Variants in PTPRN2 observed in about 807,000 individuals in gnomAD.
The protein encoded by PTPRN2 is receptor-type tyrosine-protein phosphatase N2.
In PTPRN2, 74 loss-of-function variants were observed where a neutral mutation model predicts 118.8. The observed-to-expected ratio is 0.62, with a 90% CI of 0.52 to 0.76. The LOEUF (loss-of-function observed/expected upper bound fraction) is 0.76, where lower values mean the gene tolerates loss of function less well. Among genes scored for constraint, PTPRN2 ranks in the 30% least tolerant of loss-of-function variants. PTPRN2 has a pLI of 0.00. For missense variants in PTPRN2, 1,481 were observed against 1,394.4 expected (o/e 1.06, Z -0.99); for synonymous variants, 641 against 608.0 (o/e 1.05, Z -0.80).
At chr7:158,268,613 CAG>C (rs914853007) in intron 3 of PTPRN2, among the ~76,000 whole-genome samples, 6 of 140,252 alleles carry the variant, frequency 4.3e-5, no homozygotes, top group African/African-American at 1.6e-4. Flanking sequence ...CGCAGGCACA[CAG>C]GGCGGGTGTG....
rs540820457 is a variant in PTPRN2 at position 157,780,500 on chromosome 7, C to T, written c.1789-97563G>A. 6.6e-6 allele frequency among the ~76,000 whole-genome samples: 1 copy of T among 152,342 alleles called. No individual in the cohort carries two copies. Among genetic ancestry groups the T allele is most frequent in the East Asian group, 1.9e-4 (1 of 5,182 alleles). On this transcript the variant is annotated intron_variant, in intron 12 of 22. Coordinates refer to ENST00000389418, the MANE Select transcript of PTPRN2 (RefSeq NM_002847.5). This position sits in a 1 kb window ranked among gnomAD's most constrained non-coding sequence, Gnocchi z 4.5. ...AGAGCAACTGAAGTTCGCTTGTCCC[C>T]ACAGGCAGCTCGACATGGTGCAGAC... is the stretch of plus-strand genomic sequence containing the variant.
chr7:158,355,506 AG>A (rs1388179716), intron 2 of PTPRN2, among the ~76,000 whole-genome samples: 1 of 152,204 alleles, frequency 6.6e-6, no homozygotes, highest in Non-Finnish European at 1.5e-5. Context: ...CAGAGAACTG[AG>A]GAAATGCAAC....
rs187942823 is a variant in PTPRN2, at chr7:157,986,743, T to A, written c.1724-88006A>T. Among the ~76,000 whole-genome samples the A allele has an allele frequency of 4.0e-4, 61 of 152,236 alleles. No homozygotes were observed. Among genetic ancestry groups the A allele is most frequent in the African/African-American group, 1.4e-3 (60 of 41,536 alleles). ...GGGGTTCTGCCCTTGGAAGAACTAA[T>A]GAAACCCAAGGACCATCCAGTTGGC... On this transcript the variant is annotated intron_variant, in intron 11 of 22. Transcript: ENST00000389418. The surrounding 1 kb of genome is among the most constrained non-coding windows in gnomAD (Gnocchi z 4.5).
intron 9 of PTPRN2, among the ~76,000 whole-genome samples, chr7:158,121,321 G>A (rs1247014883): frequency 1.3e-5 from 2 of 152,182 alleles, no homozygotes; most frequent in African/African-American, 2.4e-5. Flanking sequence ...CTGCTCTTCA[G>A]GCTTTCCCTA....
In PTPRN2 at chr7:158,309,013, C is replaced by T. The variant is rs181306271; in HGVS notation, c.277+7806G>A. 3.3e-4 allele frequency among the ~76,000 whole-genome samples: 50 copies of T among 152,298 alleles called. 1 individual carries two copies. Among genetic ancestry groups the T allele is most frequent in the Admixed American group, 3.1e-3 (48 of 15,290 alleles). On this transcript the variant is annotated intron_variant, in intron 3 of 22. Transcript: ENST00000389418. The stretch of plus-strand genomic sequence containing the variant: ...AACCTCATAAAGAAAAGCCCATGGT[C>T]AGATGGCTTCCATTTGCAATAGCTT...
intron 12 of PTPRN2, among the ~76,000 whole-genome samples, chr7:157,762,907 C>G (rs1802227906): frequency 6.6e-6 from 1 of 152,202 alleles, no homozygotes. Context: ...CAGCCCCGCC[C>G]CTGAAAAGCA....
intron 12 of PTPRN2, among the ~76,000 whole-genome samples, chr7:157,877,999 A>G (rs896745791): frequency 6.6e-6 from 1 of 152,248 alleles, no homozygotes; most frequent in Non-Finnish European, 1.5e-5. Flanking sequence ...TGTCAGTAGG[A>G]AGCGTTCTTG....
intron 6 of PTPRN2, among the ~76,000 whole-genome samples, chr7:158,163,732 C>T (rs1394439902): frequency 3.3e-5 from 5 of 149,512 alleles, no homozygotes; most frequent in East Asian, 2.0e-4. Context: ...ATGCCTGTAC[C>T]GGGTTCTCAA....
chr7:158,148,976 C>G (rs62480229), intron 6 of PTPRN2, among the ~76,000 whole-genome samples: 1,471 of 54,922 alleles, frequency 0.027, 43 homozygotes, highest in Non-Finnish European at 0.036. Flanking sequence ...CAATGACACC[C>G]CATCTCACGC....
chr7:158,383,730 G>A (rs1811125600), intron 2 of PTPRN2, among the ~76,000 whole-genome samples: 1 of 152,198 alleles, frequency 6.6e-6, no homozygotes, highest in Non-Finnish European at 1.5e-5. Flanking sequence ...GTCTCAGGGT[G>A]AGAGTTTATG....
At position 158,565,739 on chromosome 7, in the gene PTPRN2, A is replaced by C. The variant is rs1350635883; in HGVS notation, c.112+21819T>G. Among the ~76,000 whole-genome samples, 1 of 152,178 alleles carries C rather than the reference A, an allele frequency of 6.6e-6. No homozygotes were observed. The highest frequency in any genetic ancestry group is 2.4e-5 in the African/African-American group (1 of 41,434). ...AACCATCTCATGCAAGCCCCCCAGG[A>C]ACCCTGGAGGCAGGCACTGTTCCCG... On this transcript the variant is annotated intron_variant, in intron 1 of 22. Coordinates refer to ENST00000389418, the MANE Select transcript of PTPRN2 (RefSeq NM_002847.5). This position sits in a 1 kb window ranked among gnomAD's most constrained non-coding sequence, Gnocchi z 4.6.
At position 158,517,254 on chromosome 7, in the gene PTPRN2, T is replaced by C. The variant is rs1038416526; in HGVS notation, c.113-27469A>G. Among the ~76,000 whole-genome samples, 5 of 152,014 alleles carry C rather than the reference T, an allele frequency of 3.3e-5. No homozygotes were observed. The highest frequency in any genetic ancestry group is 9.7e-5 in the African/African-American group (4 of 41,374). Reference sequence around the variant, plus strand: ...ACAGGCTTCCTCCTCACTTCGGGGGTGCAAGCCTGCAAGACCAAACAGCCC... The same window carrying C: ...ACAGGCTTCCTCCTCACTTCGGGGGCGCAAGCCTGCAAGACCAAACAGCCC... On this transcript the variant is annotated intron_variant, in intron 1 of 22. Transcript: ENST00000389418. The surrounding 1 kb of genome is among the most constrained non-coding windows in gnomAD (Gnocchi z 5.3).
At position 157,676,490 on chromosome 7, in the gene PTPRN2, A is replaced by G. The variant is rs1785530968; in HGVS notation, c.2001+6235T>C. ...AAATCATCAACCGAGAAAAGAAAGGATGTCACCTTTTCCCAAATCTCCCAC... is the reference window on the plus strand; with the variant it reads ...AAATCATCAACCGAGAAAAGAAAGGGTGTCACCTTTTCCCAAATCTCCCAC... On this transcript the variant is annotated intron_variant, in intron 13 of 22. Coordinates refer to ENST00000389418, the MANE Select transcript of PTPRN2 (RefSeq NM_002847.5). The surrounding 1 kb of genome is among the most constrained non-coding windows in gnomAD (Gnocchi z 5.6). Among the ~76,000 whole-genome samples, 1 of 152,210 alleles carries G rather than the reference A, an allele frequency of 6.6e-6. No homozygotes were observed. The highest frequency in any genetic ancestry group is 2.1e-4 in the South Asian group (1 of 4,824).
chr7:158,327,046 T>C (rs547618092), intron 2 of PTPRN2, among the ~76,000 whole-genome samples: 2 of 149,208 alleles, frequency 1.3e-5, no homozygotes, highest in East Asian at 4.1e-4. Context: ...CATGCACATG[T>C]ACACATTCTC....
chr7:158,087,477 C>A (rs1268244876), intron 10 of PTPRN2, among the ~76,000 whole-genome samples: 1 of 152,248 alleles, frequency 6.6e-6, no homozygotes, highest in African/African-American at 2.4e-5. Context: ...GGAGAACCAT[C>A]CACCTTTTGA....
At chr7:158,267,154 C>T (rs1430815139) in intron 3 of PTPRN2, among the ~76,000 whole-genome samples, 1 of 152,174 alleles carries the variant, frequency 6.6e-6, no homozygotes, top group Non-Finnish European at 1.5e-5. Flanking sequence ...TGACACTTTG[C>T]GTGGAATTTT....
rs113370101 is a variant in PTPRN2, at chr7:158,565,809, G to C, written c.112+21749C>G. The stretch of plus-strand genomic sequence containing the variant: ...AGACTGTCCCACATCTCCAAACACA[G>C]ATCTGCCTATTGTCTCTGCCAGATG... On this transcript the variant is annotated intron_variant, in intron 1 of 22. Transcript: ENST00000389418. The surrounding 1 kb of genome is among the most constrained non-coding windows in gnomAD (Gnocchi z 4.6). Among the ~76,000 whole-genome samples, 1,760 of 152,282 alleles carry C rather than the reference G, an allele frequency of 0.012. 28 individuals are homozygous for C. The highest frequency in any genetic ancestry group is 0.04 in the African/African-American group (1,675 of 41,548).
chr7:158,108,438 G>T (rs1009725933), intron 10 of PTPRN2, among the ~76,000 whole-genome samples: 1 of 152,032 alleles, frequency 6.6e-6, no homozygotes, highest in Non-Finnish European at 1.5e-5. Context: ...TGGCCTCTCT[G>T]TCCCTGCTGA....
At position 158,167,251 on chromosome 7, in the gene PTPRN2, G is replaced by A; in HGVS notation, c.590C>T (p.Ala197Val). 6.2e-7 allele frequency: 1 copy of A among 1,612,084 alleles called. No homozygotes were observed. Among genetic ancestry groups the A allele is most frequent in the Non-Finnish European group, 8.5e-7 (1 of 1,179,328 alleles). The change falls in exon 6 of 23, where the codon GCC (alanine) becomes GTC (valine). Residue 197 changes from alanine to valine, a missense_variant. Ala to Val is a moderately conservative substitution (Grantham distance 64). This residue lies in a region of PTPRN2 where 1,115 missense variants were observed against 994.2 expected (regional missense o/e 1.12). Coordinates refer to ENST00000389418, the MANE Select transcript of PTPRN2 (RefSeq NM_002847.5). ...RFSESILTYV[A>V]HTSALTYPPG... ...AGGGTAGGTCAGCGCAGACGTGTGG[G>A]CCACATAGGTCAGGATGCTCTCGGA... is the stretch of plus-strand genomic sequence containing the variant.
Sources: gnomAD v4.1 joint callset for allele counts (sites outside exome capture counted in the v4.1 genomes callset) on GRCh38, gnomAD v4.1.1 for gene constraint, gnomAD v4.1.1 regional missense constraint, Gnocchi (gnomAD v3.1) non-coding constraint, MANE v1.5 for transcripts, NCBI Gene and HGNC (gene_info 2026-07-23, HGNC 2026-07-21) for gene names.